The following VIT variants were observed in gnomAD, a reference collection of about 807,000 sequenced individuals.
VIT encodes vitrin.
VIT carries 99 observed loss-of-function variants against 78.0 expected under a neutral mutation model. The ratio of observed to expected loss-of-function variants is 1.27; its 90% CI spans 1.08 to 1.50. The LOEUF (loss-of-function observed/expected upper bound fraction) is 1.50. Among genes scored for constraint, VIT ranks in the 40% most tolerant of loss-of-function variants. VIT has a pLI of 0.00. For synonymous variants in VIT, 374 were observed against 334.3 expected, an observed-to-expected ratio of 1.12 and a Z score of -1.29; for missense variants, 1,126 against 875.3, an observed-to-expected ratio of 1.29 and a Z score of -3.61.
At chr2:36,727,703 C>T (rs924887083) in intron 2 of VIT, among the ~76,000 whole-genome samples, 2 of 152,210 alleles carry the variant, frequency 1.3e-5, no homozygotes, top group African/African-American at 4.8e-5. Flanking sequence ...TCTCAGTCAA[C>T]AGCCGCCTGT....
At chr2:36,766,894 T>A (rs1669462360) in intron 6 of VIT, among the ~76,000 whole-genome samples, 200 bp from the exon 7 acceptor site, 1 of 152,264 alleles carries the variant, frequency 6.6e-6, no homozygotes, top group South Asian at 2.1e-4. Flanking sequence ...CTATTGAATC[T>A]TTGGTTGATT....
At chr2:36,720,017 G>A (rs547057469) in intron 2 of VIT, among the ~76,000 whole-genome samples, 111 of 152,262 alleles carry the variant, frequency 7.3e-4, no homozygotes, top group Non-Finnish European at 1.4e-3. Context: ...TTCATGGATT[G>A]GAAGAATTAA....
chr2:36,725,605 G>C (rs1253039712), intron 2 of VIT, among the ~76,000 whole-genome samples: 2 of 98,870 alleles, frequency 2.0e-5, no homozygotes, highest in Non-Finnish European at 3.6e-5. Flanking sequence ...TGAGGGGTGG[G>C]GGGGGGGTGG....
intron 6 of VIT, among the ~76,000 whole-genome samples, chr2:36,766,000 G>C (rs993784969): frequency 6.6e-6 from 1 of 152,254 alleles, no homozygotes; most frequent in Non-Finnish European, 1.5e-5. Flanking sequence ...TTCCTTCCCA[G>C]GACCGAGGAG....
intron 9 of VIT, 50 bp downstream of exon 9, chr2:36,775,117 G>A: frequency 1.2e-6 from 2 of 1,605,660 alleles, no homozygotes; most frequent in Non-Finnish European, 1.7e-6. Flanking sequence ...TTTGCTCTGT[G>A]GCACTTTGCA....
At chr2:36,783,280 G>T (rs1340927230) in intron 10 of VIT, 60 bp from the exon 11 acceptor site, 2 of 1,580,438 alleles carry the variant, frequency 1.3e-6, no homozygotes, top group African/African-American at 2.7e-5. Flanking sequence ...CCCTCCCATG[G>T]GGTAAGGCCA....
intron 11 of VIT, among the ~76,000 whole-genome samples, chr2:36,784,036 G>A (rs928300644): frequency 6.6e-6 from 1 of 152,162 alleles, no homozygotes; most frequent in Non-Finnish European, 1.5e-5. Context: ...GAGGCTATGA[G>A]AACAGAAAAT....
chr2:36,768,355 C>T (rs757038780), intron 7 of VIT, among the ~76,000 whole-genome samples: 2 of 152,110 alleles, frequency 1.3e-5, no homozygotes, highest in Non-Finnish European at 2.9e-5. Flanking sequence ...TCGCTTGAAC[C>T]TGGGAGGCAG....
chr2:36,771,530 A>G lies in VIT; in HGVS notation c.680-2261A>G, dbSNP rs370079270. On this transcript the variant is annotated intron_variant, in intron 7 of 15. Transcript: ENST00000379242. ...AATAGAGTGAGACTTCATCTCAAAAAAAAAAAAGAAAAAGAAAAAGAAAAA... is the reference window on the plus strand; with the variant it reads ...AATAGAGTGAGACTTCATCTCAAAAGAAAAAAAGAAAAAGAAAAAGAAAAA... Among the ~76,000 whole-genome samples, 5 of 151,396 alleles carry G rather than the reference A, an allele frequency of 3.3e-5. No homozygotes were observed. In the East Asian group the frequency reaches 9.7e-4, roughly 29 times the overall value.
chr2:36,743,305 G>T, intron 4 of VIT, 49 bp downstream of exon 4: 1 of 1,496,954 alleles, frequency 6.7e-7, no homozygotes, highest in Non-Finnish European at 9.0e-7. Context: ...CAGGGTGTTG[G>T]CAGGGAGCCC....
At chr2:36,717,335 TGTGTGTGTGTG>T (rs1385650202) in intron 2 of VIT, among the ~76,000 whole-genome samples, 8 of 1,620 alleles carry the variant, frequency 4.9e-3, no homozygotes, top group African/African-American at 6.7e-3. Context: ...GCCTGGCTAA[TGTGTGTGTGTG>T]TGTGTGTGTG....
chr2:36,755,516 C>T (rs955101720), intron 5 of VIT, among the ~76,000 whole-genome samples: 25 of 152,022 alleles, frequency 1.6e-4, no homozygotes, highest in African/African-American at 5.6e-4. Context: ...GTTGGTGATG[C>T]TAAGTTTGAT....
At chr2:36,719,860 G>A (rs1666386517) in intron 2 of VIT, among the ~76,000 whole-genome samples, 1 of 152,126 alleles carries the variant, frequency 6.6e-6, no homozygotes, top group Non-Finnish European at 1.5e-5. Flanking sequence ...AAGATCACCT[G>A]AGCTCAGGGA....
chr2:36,795,484 C>T (rs1665827148), intron 12 of VIT, among the ~76,000 whole-genome samples: 1 of 151,918 alleles, frequency 6.6e-6, no homozygotes, highest in Non-Finnish European at 1.5e-5. Flanking sequence ...GCGATCTCAG[C>T]TCACTGCAAC....
chr2:36,767,044 G>C, intron 6 of VIT, 50 bp from the exon 7 acceptor site: 1 of 1,487,202 alleles, frequency 6.7e-7, no homozygotes, highest in Non-Finnish European at 9.0e-7. Context: ...AGTTCTATAA[G>C]AGTGTACAGG....
At chr2:36,709,220 G>A (rs1382728803) in intron 1 of VIT, among the ~76,000 whole-genome samples, 2 of 152,144 alleles carry the variant, frequency 1.3e-5, no homozygotes, top group African/African-American at 2.4e-5. Flanking sequence ...TGGAGTAAGT[G>A]CACGTACTAT....
intron 12 of VIT, among the ~76,000 whole-genome samples, chr2:36,798,255 C>T (rs529197978): frequency 1.3e-5 from 2 of 152,130 alleles, no homozygotes; most frequent in South Asian, 2.1e-4. Flanking sequence ...CAGATGGCCA[C>T]ACAACTAACA....
chr2:36,702,790 G>T (rs17491260), intron 1 of VIT, among the ~76,000 whole-genome samples: 2 of 152,038 alleles, frequency 1.3e-5, no homozygotes, highest in Non-Finnish European at 2.9e-5. Flanking sequence ...GCATGTCTAT[G>T]GGTGCTGTGA....
rs116552431 is a variant in VIT, at chr2:36,783,414, G to A, written c.910+12G>A. The stretch of plus-strand genomic sequence containing the variant: ...CCTGGGAGATCCAAGTAAGTTAATT[G>A]ACAACTAGAAACCCACGGTGTCTTT... On this transcript the variant is annotated intron_variant, in intron 11 of 15. Transcript: ENST00000379242. 1.2e-6 allele frequency: 2 copies of A among 1,613,770 alleles called. No individual in the cohort carries two copies. The highest frequency in any genetic ancestry group is 1.7e-6 in the Non-Finnish European group (2 of 1,179,868).
Sources: allele counts gnomAD v4.1 joint callset (sites outside exome capture counted in the v4.1 genomes callset), GRCh38; gene constraint gnomAD v4.1.1; transcripts MANE v1.5; gene names NCBI Gene and HGNC (gene_info 2026-07-23, HGNC 2026-07-21).